Variants in EPG5 observed in about 807,000 individuals in gnomAD.
EPG5 encodes ectopic P granules protein 5 homolog.
Under a neutral mutation model 302.7 loss-of-function variants are expected in EPG5, and 159 were observed. The observed-to-expected ratio is 0.53, with a 90% CI of 0.46 to 0.60. EPG5 has a LOEUF of 0.60. Ranked by LOEUF, EPG5 falls within the 20% of genes least tolerant of loss-of-function variation. The pLI, the probability that EPG5 is intolerant of heterozygous loss-of-function variation, is 0.00. For missense variants in EPG5, 2,896 were observed against 3,092.4 expected, an observed-to-expected ratio of 0.94 and a Z score of 1.51; for synonymous variants, 1,158 against 1,136.8, an observed-to-expected ratio of 1.02 and a Z score of -0.37.
At chr18:45,861,216 T>C (rs748461571) in intron 39 of EPG5, among the ~76,000 whole-genome samples, 4 of 152,350 alleles carry the variant, frequency 2.6e-5, no homozygotes, top group Non-Finnish European at 5.9e-5. Flanking sequence ...CTGTACGACC[T>C]ACTTACTATC....
the EPG5 span, chr18:45,837,492 C>T: frequency 6.1e-5 from 89 of 1,460,986 alleles, no homozygotes; most frequent in East Asian, 8.1e-5. Flanking sequence ...CCGAGCCTGA[C>T]GCAGCCCGCC....
intron 6 of EPG5, among the ~76,000 whole-genome samples, chr18:45,947,676 C>T (rs1171337661): frequency 6.6e-6 from 1 of 152,172 alleles, no homozygotes; most frequent in Non-Finnish European, 1.5e-5. Flanking sequence ...ACCTGTGCTC[C>T]GTACAGCTAT....
At chr18:45,950,903 GAGA>G (rs1568183397) in intron 4 of EPG5, among the ~76,000 whole-genome samples, 196 bp downstream of exon 4, 10 of 152,070 alleles carry the variant, frequency 6.6e-5, no homozygotes, top group African/African-American at 9.7e-5. Flanking sequence ...CTTTACTAGA[GAGA>G]AACATACTTT....
chr18:45,837,527 C>A, the EPG5 span: 2 of 1,516,372 alleles, frequency 1.3e-6, no homozygotes, highest in African/African-American at 2.8e-5. Flanking sequence ...GCCAGCGCAG[C>A]GCTGGTCCAT....
the EPG5 span, among the ~76,000 whole-genome samples, chr18:45,802,380 C>T: frequency 6.6e-6 from 1 of 152,078 alleles, no homozygotes; most frequent in East Asian, 1.9e-4. Context: ...ATTAGCCGGG[C>T]ATGATGGCAT....
the EPG5 span, among the ~76,000 whole-genome samples, chr18:45,812,612 T>C: frequency 0.74 from 112,750 of 152,024 alleles, 42,688 homozygotes; most frequent in East Asian, 0.92. Context: ...AGAAATAATG[T>C]CGCATATCTA....
At position 45,910,590 on chromosome 18, in the gene EPG5, C is replaced by A. The variant is rs749548903; in HGVS notation, c.4136G>T (p.Gly1379Val). Residue 1379 changes from glycine to valine, a missense_variant, in exon 23 of 44, where the codon GGG becomes GTG. Physicochemically the swap from Gly to Val is moderately radical, Grantham distance 109 (BLOSUM62 -3). This residue lies in a region of EPG5 where 790 missense variants were observed against 798.0 expected (regional missense o/e 0.99). Coordinates refer to ENST00000282041, the MANE Select transcript of EPG5 (RefSeq NM_020964.3). ...GGTGCCAGAGTGGCTCTCTGGCAGC[C>A]CTTCACTGCCCTCTGCTGGAACACG... Reference protein sequence around the residue: ...ALRVPAEGSEGLPESHSGTPG... With the variant: ...ALRVPAEGSEVLPESHSGTPG... 3 of 1,614,024 alleles carry A rather than the reference C, an allele frequency of 1.9e-6. No individual in the cohort carries two copies. The Admixed American group carries it at 5.0e-5, about 27-fold the overall frequency.
At chr18:45,944,426 T>C (rs574710064) in intron 7 of EPG5, among the ~76,000 whole-genome samples, 174 of 152,222 alleles carry the variant, frequency 1.1e-3, no homozygotes, top group African/African-American at 3.9e-3. Flanking sequence ...AGTGAGGACC[T>C]TATAGGGATC....
At chr18:45,878,487 T>C (rs769086740) in intron 33 of EPG5, 39 bp from the exon 34 acceptor site, 2 of 1,353,154 alleles carry the variant, frequency 1.5e-6, no homozygotes, top group Non-Finnish European at 2.1e-6. Flanking sequence ...TCATCATTTG[T>C]CATTTGTCAA....
At chr18:45,853,554 C>T (rs985698549) in intron 43 of EPG5, among the ~76,000 whole-genome samples, 1 of 152,220 alleles carries the variant, frequency 6.6e-6, no homozygotes, top group Admixed American at 6.5e-5. Flanking sequence ...CATCCCCCAC[C>T]ATGGAGTGCC....
chr18:45,827,033 G>C, the EPG5 span, among the ~76,000 whole-genome samples: 1 of 152,162 alleles, frequency 6.6e-6, no homozygotes, highest in South Asian at 2.1e-4. Flanking sequence ...TTGTGCCTCA[G>C]CCTCCCAAGT....
the EPG5 span, among the ~76,000 whole-genome samples, chr18:45,806,376 G>C: frequency 1.3e-5 from 2 of 152,208 alleles, no homozygotes; most frequent in African/African-American, 4.8e-5. Context: ...TGACTCAGAC[G>C]CACAGAGCAG....
the EPG5 span, among the ~76,000 whole-genome samples, chr18:45,818,795 G>A: frequency 3.2e-4 from 47 of 147,892 alleles, no homozygotes; most frequent in South Asian, 1.1e-3. Flanking sequence ...GTGCAGTGGC[G>A]TGATCTCGGC....
intron 6 of EPG5, 34 bp from the exon 7 acceptor site, chr18:45,946,802 G>T: frequency 1.3e-6 from 2 of 1,558,134 alleles, no homozygotes; most frequent in Non-Finnish European, 1.8e-6. Flanking sequence ...CCATCACTTA[G>T]ATGTAGGCTA....
At chr18:45,940,620 A>G (rs115598621) in intron 9 of EPG5, among the ~76,000 whole-genome samples, 2,482 of 152,322 alleles carry the variant, frequency 0.016, 61 homozygotes, top group African/African-American at 0.057. Context: ...GTATCCCTGC[A>G]ATTAGAACGT....
the EPG5 span, among the ~76,000 whole-genome samples, chr18:45,817,312 GTC>G: frequency 3.9e-5 from 6 of 152,100 alleles, no homozygotes; most frequent in Admixed American, 3.9e-4. Context: ...AAATAAAAAT[GTC>G]TCTCTTTCCT....
At chr18:45,815,184 A>G in the EPG5 span, among the ~76,000 whole-genome samples, 1 of 152,218 alleles carries the variant, frequency 6.6e-6, no homozygotes, top group Admixed American at 6.5e-5. Context: ...GACAACATGC[A>G]TATTTACGGG....
At position 45,850,951 on chromosome 18, in the gene EPG5, C is replaced by T. The variant is rs538484628; in HGVS notation, c.*1516G>A. The T allele has an allele frequency of 8.1e-4, 123 of 152,430 alleles. No individual in the cohort carries two copies. The highest frequency in any genetic ancestry group is 2.7e-3 in the African/African-American group (114 of 41,582). 9.4% of individuals were successfully genotyped at this position (152,430 alleles called of 1,614,324 possible). On this transcript the variant is annotated 3_prime_UTR_variant, in exon 44 of 44. Coordinates refer to ENST00000282041, the MANE Select transcript of EPG5 (RefSeq NM_020964.3). The stretch of plus-strand genomic sequence containing the variant: ...AAAGCTGAGACAGATCCCTCTGAGA[C>T]GGACATTTTGTGGCCTGTAAAACTC...
intron 4 of EPG5, among the ~76,000 whole-genome samples, chr18:45,950,699 T>C (rs1318515431): frequency 6.6e-6 from 1 of 152,234 alleles, no homozygotes; most frequent in East Asian, 1.9e-4. Flanking sequence ...ATTAAGTACT[T>C]AGGTGTGGAA....
Sources: gnomAD v4.1 joint callset for allele counts (sites outside exome capture counted in the v4.1 genomes callset) on GRCh38, gnomAD v4.1.1 for gene constraint, gnomAD v4.1.1 regional missense constraint, MANE v1.5 for transcripts, NCBI Gene and HGNC (gene_info 2026-07-23, HGNC 2026-07-21) for gene names.